The following ABCA13 variants were observed in gnomAD, a reference collection of about 807,000 sequenced individuals.
The protein encoded by ABCA13 is ATP binding cassette subfamily A member 13.
ABCA13 carries 476 observed loss-of-function variants against 478.7 expected under a neutral mutation model. That is an observed-to-expected ratio of 0.99 (90% CI 0.92 to 1.07). The LOEUF (loss-of-function observed/expected upper bound fraction) is 1.07. Among genes scored for constraint, ABCA13 ranks in the 50% least tolerant of loss-of-function variants. The probability of loss-of-function intolerance (pLI) is 0.00; values close to 1 mark genes in which losing one functional copy is unlikely to be tolerated. For synonymous variants in ABCA13, 2,252 were observed against 2,158.9 expected (o/e 1.04, Z -1.20); for missense variants, 6,060 against 5,910.6 (o/e 1.03, Z -0.83).
At chr7:48,462,349 T>C (rs978059033) in intron 43 of ABCA13, among the ~76,000 whole-genome samples, 3 of 152,106 alleles carry the variant, frequency 2.0e-5, no homozygotes, top group African/African-American at 7.2e-5. Flanking sequence ...TGAAGTCTTA[T>C]TTGGAGCAGT....
chr7:48,254,819 C>T (rs1793144438), intron 15 of ABCA13, among the ~76,000 whole-genome samples: 1 of 152,116 alleles, frequency 6.6e-6, no homozygotes, highest in African/African-American at 2.4e-5. Flanking sequence ...GCAATTTTTC[C>T]TCAGCTGTCT....
At position 48,568,100 on chromosome 7, in the gene ABCA13, A is replaced by G. The variant is rs559457626; in HGVS notation, c.14355-12124A>G. On this transcript the variant is annotated intron_variant, in intron 55 of 61. Coordinates refer to ENST00000435803, the MANE Select transcript of ABCA13 (RefSeq NM_152701.5). ...ATTCAGTGATTTTTACCATATTCAT[A>G]AAGCCATATGATGATTTCCACTAAC... is the stretch of plus-strand genomic sequence containing the variant. Among the ~76,000 whole-genome samples, 12 of 152,220 alleles carry G rather than the reference A, an allele frequency of 7.9e-5. No homozygotes were observed. In the East Asian group the frequency reaches 1.7e-3, roughly 22 times the overall value.
intron 41 of ABCA13, among the ~76,000 whole-genome samples, chr7:48,418,135 T>G (rs1227924718): frequency 6.6e-6 from 1 of 152,224 alleles, no homozygotes; most frequent in African/African-American, 2.4e-5. Context: ...TGAACAAAGC[T>G]GCTATAAATA....
intron 42 of ABCA13, among the ~76,000 whole-genome samples, chr7:48,440,704 C>CTATATATATCCTCTATATAGGA (rs745838580): frequency 1.3e-5 from 2 of 151,446 alleles, no homozygotes; most frequent in Non-Finnish European, 1.5e-5. Context: ...GATGTATTGC[C>CTATATATATCCTCTATATAGGA]TATATATATC....
chr7:48,300,380 G>A (rs4917043), intron 23 of ABCA13, among the ~76,000 whole-genome samples: 107,648 of 152,196 alleles, frequency 0.71, 39,016 homozygotes, highest in East Asian at 0.99. Context: ...CTCAAAGCCC[G>A]TGCTCCAAGG....
chr7:48,439,229 CAG>C (rs1823257261), intron 42 of ABCA13, among the ~76,000 whole-genome samples: 1 of 152,118 alleles, frequency 6.6e-6, no homozygotes, highest in African/African-American at 2.4e-5. Flanking sequence ...ATCTAGAGCT[CAG>C]GGGTCTCTTC....
chr7:48,334,070 T>C (rs1363921108), intron 27 of ABCA13, among the ~76,000 whole-genome samples: 1 of 152,190 alleles, frequency 6.6e-6, no homozygotes, highest in Non-Finnish European at 1.5e-5. Context: ...CTGCCTTCTG[T>C]TACTAGAATG....
chr7:48,429,862 G>GA (rs1374237495), intron 42 of ABCA13, among the ~76,000 whole-genome samples: 1 of 151,972 alleles, frequency 6.6e-6, no homozygotes, highest in Non-Finnish European at 1.5e-5. Context: ...TATATTTTTG[G>GA]TTTTTGGTAG....
At chr7:48,344,220 G>T (rs1584939146) in intron 29 of ABCA13, among the ~76,000 whole-genome samples, 1 of 152,300 alleles carries the variant, frequency 6.6e-6, no homozygotes, top group Non-Finnish European at 1.5e-5. Context: ...CACAGCTACT[G>T]CCACCTAACA....
intron 26 of ABCA13, among the ~76,000 whole-genome samples, chr7:48,314,882 A>G (rs2128892526): frequency 6.6e-6 from 1 of 152,340 alleles, no homozygotes; most frequent in African/African-American, 2.4e-5. Flanking sequence ...TGAATATGCC[A>G]CGATAGGTAC....
chr7:48,326,138 A>G (rs1804292317), intron 27 of ABCA13, among the ~76,000 whole-genome samples: 1 of 152,100 alleles, frequency 6.6e-6, no homozygotes, highest in Non-Finnish European at 1.5e-5. Context: ...AGGTTTAGAG[A>G]AGCTAGATGT....
At chr7:48,293,565 T>C (rs1171540473) in intron 20 of ABCA13, among the ~76,000 whole-genome samples, 2 of 152,160 alleles carry the variant, frequency 1.3e-5, no homozygotes, top group African/African-American at 4.8e-5. Flanking sequence ...TAAAATAAAG[T>C]ATTTATGGTA....
At chr7:48,463,680 C>T (rs1206848787) in intron 43 of ABCA13, among the ~76,000 whole-genome samples, 4 of 151,688 alleles carry the variant, frequency 2.6e-5, no homozygotes, top group Non-Finnish European at 5.9e-5. Flanking sequence ...TTTATCAACA[C>T]CAAAAGCTGG....
intron 2 of ABCA13, 37 bp downstream of exon 2, chr7:48,193,089 CTTTGG>C: frequency 6.9e-7 from 1 of 1,439,156 alleles, no homozygotes; most frequent in Admixed American, 2.3e-5. Flanking sequence ...TTGAATTAAC[CTTTGG>C]AGAAAAAAAA....
chr7:48,467,774 G>A (rs1429601721), intron 44 of ABCA13, among the ~76,000 whole-genome samples: 1 of 152,154 alleles, frequency 6.6e-6, no homozygotes, highest in Non-Finnish European at 1.5e-5. Flanking sequence ...ATGTTTTTAA[G>A]TAGTAAATAT....
At chr7:48,321,510 T>C (rs553354085) in intron 27 of ABCA13, among the ~76,000 whole-genome samples, 1 of 152,232 alleles carries the variant, frequency 6.6e-6, no homozygotes, top group Non-Finnish European at 1.5e-5. Context: ...GGATAGTCCC[T>C]GTGTAGGCCG....
At chr7:48,610,078 A>G (rs1334903832) in intron 58 of ABCA13, among the ~76,000 whole-genome samples, 1 of 152,208 alleles carries the variant, frequency 6.6e-6, no homozygotes, top group Non-Finnish European at 1.5e-5. Context: ...CATGAACTCA[A>G]AAGTCCACAG....
chr7:48,242,286 G>C (rs1790960146), intron 10 of ABCA13, among the ~76,000 whole-genome samples: 1 of 35,236 alleles, frequency 2.8e-5, no homozygotes, highest in African/African-American at 1.6e-4. Flanking sequence ...TACAGAGATG[G>C]GGGGAAGCTG....
intron 15 of ABCA13, among the ~76,000 whole-genome samples, chr7:48,267,874 C>A (rs1197419503): frequency 6.6e-6 from 1 of 151,986 alleles, no homozygotes; most frequent in Non-Finnish European, 1.5e-5. Context: ...ACATTTTAAC[C>A]TTGTTTTGTG....
Sources: allele counts gnomAD v4.1 joint callset (sites outside exome capture counted in the v4.1 genomes callset), GRCh38; gene constraint gnomAD v4.1.1; transcripts MANE v1.5; gene names NCBI Gene and HGNC (gene_info 2026-07-23, HGNC 2026-07-21).